The following OTUD7A variants were observed in gnomAD, a reference collection of about 807,000 sequenced individuals.
OTUD7A encodes the protein OTU deubiquitinase 7A, also known as OTU domain-containing protein 7A.
OTUD7A carries 12 observed loss-of-function variants against 65.7 expected under a neutral mutation model. The observed-to-expected ratio is 0.18, with a 90% CI of 0.12 to 0.30. OTUD7A has a LOEUF of 0.30. Ranked by LOEUF, OTUD7A falls within the 10% of genes least tolerant of loss-of-function variation. The probability of loss-of-function intolerance (pLI) is 1.00; values close to 1 mark genes in which losing one functional copy is unlikely to be tolerated. For missense variants in OTUD7A, 1,148 were observed against 1,304.8 expected (o/e 0.88, Z 1.85); for synonymous variants, 641 against 586.3 (o/e 1.09, Z -1.35).
At chr15:31,781,660 T>C (rs932917508) in intron 1 of OTUD7A, among the ~76,000 whole-genome samples, 64 of 152,184 alleles carry the variant, frequency 4.2e-4, no homozygotes, top group African/African-American at 1.5e-3. Context: ...GTGCCCCCTA[T>C]GGCTGGACAT....
chr15:31,738,365 T>A (rs1169486815), intron 1 of OTUD7A, among the ~76,000 whole-genome samples: 1 of 152,102 alleles, frequency 6.6e-6, no homozygotes, highest in Non-Finnish European at 1.5e-5. Flanking sequence ...TGGCTGAGGA[T>A]GGAGACCTGA....
At chr15:31,504,057 G>A (rs910910740) in intron 8 of OTUD7A, among the ~76,000 whole-genome samples, 19 of 152,220 alleles carry the variant, frequency 1.2e-4, no homozygotes, top group African/African-American at 2.9e-4. Context: ...GAAAGAGCCC[G>A]CAGGTGAAGG....
rs1269014616 is a variant in OTUD7A at position 31,609,392 on chromosome 15, G to A, written c.152-39195C>T. On this transcript the variant is annotated intron_variant, in intron 3 of 12. Coordinates refer to ENST00000307050, the MANE Select transcript of OTUD7A (RefSeq NM_001382637.1). ...TGCCGTTAGCAGGCACACGGTGGAAGTGAGACTGGCCCTTCAGATTGTGTG... is the reference window on the plus strand; with the variant it reads ...TGCCGTTAGCAGGCACACGGTGGAAATGAGACTGGCCCTTCAGATTGTGTG... 3.9e-5 allele frequency among the ~76,000 whole-genome samples: 6 copies of A among 152,318 alleles called. No individual in the cohort carries two copies. In the East Asian group the frequency reaches 9.7e-4, roughly 25 times the overall value.
At chr15:31,536,655 A>C (rs1887812523) in intron 5 of OTUD7A, among the ~76,000 whole-genome samples, 1 of 151,594 alleles carries the variant, frequency 6.6e-6, no homozygotes, top group Admixed American at 6.5e-5. Flanking sequence ...AATACTATTC[A>C]GCTATTAACA....
At chr15:31,728,516 C>T (rs1285034675) in intron 1 of OTUD7A, among the ~76,000 whole-genome samples, 1 of 152,220 alleles carries the variant, frequency 6.6e-6, no homozygotes, top group African/African-American at 2.4e-5. Context: ...ACCTGGGCAG[C>T]CCCTGCCTAA....
intron 1 of OTUD7A, among the ~76,000 whole-genome samples, chr15:31,768,719 G>T (rs1462034915): frequency 2.6e-5 from 4 of 151,914 alleles, no homozygotes; most frequent in Admixed American, 2.0e-4. Context: ...TAATACATAA[G>T]ACACCTACAA....
At chr15:31,527,638 A>C (rs1213987713) in intron 6 of OTUD7A, among the ~76,000 whole-genome samples, 1 of 152,210 alleles carries the variant, frequency 6.6e-6, no homozygotes, top group African/African-American at 2.4e-5. Context: ...CAAGTCTTAC[A>C]TTTGGGTGGG....
chr15:31,801,912 A>G (rs1896134738), intron 1 of OTUD7A, among the ~76,000 whole-genome samples: 1 of 152,112 alleles, frequency 6.6e-6, no homozygotes, highest in African/African-American at 2.4e-5. Context: ...CATAATTGAC[A>G]CACATGGTGT....
chr15:31,670,352 C>T (rs1245229956), intron 1 of OTUD7A, among the ~76,000 whole-genome samples: 1 of 152,184 alleles, frequency 6.6e-6, no homozygotes, highest in East Asian at 1.9e-4. Context: ...TGAGGAATCG[C>T]CACACTGTTT....
rs1397430390 is a variant in OTUD7A, at chr15:31,481,372, C to T, written c.*1922G>A. Reference sequence around the variant, plus strand: ...CCCACAGCTTTGGATGCCAAAGCAGCTGCTCAGCGTGACACGAAGAATCAG... The same window carrying T: ...CCCACAGCTTTGGATGCCAAAGCAGTTGCTCAGCGTGACACGAAGAATCAG... On this transcript the variant is annotated 3_prime_UTR_variant, in exon 13 of 13. Coordinates refer to ENST00000307050, the MANE Select transcript of OTUD7A (RefSeq NM_001382637.1). The T allele has an allele frequency of 2.6e-5, 4 of 152,200 alleles. No individual in the cohort carries two copies. The allele number at this position is 152,200 out of a possible 1,614,324, so 9.4% of individuals were successfully genotyped here. A position where few individuals can be genotyped will look rare whatever the true frequency, so the allele number is the denominator to read the frequency against.
chr15:31,864,974 T>C (rs535929677), intron 1 of OTUD7A, among the ~76,000 whole-genome samples: 1 of 152,308 alleles, frequency 6.6e-6, no homozygotes, highest in African/African-American at 2.4e-5. Context: ...CTCACTCATC[T>C]GCTCCACCCT....
At chr15:31,739,660 T>A (rs772051993) in intron 1 of OTUD7A, among the ~76,000 whole-genome samples, 4 of 152,112 alleles carry the variant, frequency 2.6e-5, no homozygotes, top group Non-Finnish European at 5.9e-5. Context: ...TGGCACCATC[T>A]CAGCTTACTG....
At chr15:31,597,944 TG>T (rs1889955909) in intron 3 of OTUD7A, among the ~76,000 whole-genome samples, 1 of 152,020 alleles carries the variant, frequency 6.6e-6, no homozygotes, top group African/African-American at 2.4e-5. Flanking sequence ...GTAAAAGCAG[TG>T]GGAACTTTCG....
intron 1 of OTUD7A, among the ~76,000 whole-genome samples, chr15:31,835,771 TACACATACACATGTATGCATAC>T (rs1409857116): frequency 6.6e-6 from 1 of 151,696 alleles, no homozygotes; most frequent in Non-Finnish European, 1.5e-5. Flanking sequence ...TATATCTGTA[TACACATACACATGTATGCATAC>T]ACACATACAC....
intron 1 of OTUD7A, among the ~76,000 whole-genome samples, chr15:31,670,851 C>T (rs1166902422): frequency 2.6e-5 from 4 of 152,068 alleles, no homozygotes; most frequent in African/African-American, 9.7e-5. Context: ...AAAAATTAGC[C>T]GGGCGTGGTG....
chr15:31,709,703 T>C (rs1212390458), intron 1 of OTUD7A, among the ~76,000 whole-genome samples: 2 of 151,320 alleles, frequency 1.3e-5, no homozygotes, highest in Non-Finnish European at 3.0e-5. Context: ...TCCATTTGCT[T>C]TGCATATCTG....
chr15:31,624,757 A>G (rs1208326485), intron 3 of OTUD7A, among the ~76,000 whole-genome samples: 1 of 152,162 alleles, frequency 6.6e-6, no homozygotes, highest in East Asian at 1.9e-4. Flanking sequence ...GAGAAGGGTG[A>G]TAAGTCAGAC....
intron 1 of OTUD7A, among the ~76,000 whole-genome samples, chr15:31,809,218 T>C (rs545968855): frequency 1.8e-4 from 28 of 152,344 alleles, no homozygotes; most frequent in Non-Finnish European, 4.0e-4. Flanking sequence ...GGAACGTTCC[T>C]GTAATAGAAT....
intron 2 of OTUD7A, among the ~76,000 whole-genome samples, chr15:31,655,997 G>A (rs1016671485): frequency 6.6e-6 from 1 of 152,112 alleles, no homozygotes; most frequent in African/African-American, 2.4e-5. Context: ...TATTAGGAAA[G>A]ACTAATAGCC....
Sources: allele counts gnomAD v4.1 joint callset (sites outside exome capture counted in the v4.1 genomes callset), GRCh38; gene constraint gnomAD v4.1.1; transcripts MANE v1.5; gene names NCBI Gene and HGNC (gene_info 2026-07-23, HGNC 2026-07-21).